The following STAM variants were observed in gnomAD, a reference collection of about 807,000 sequenced individuals.
The protein encoded by STAM is signal transducing adaptor molecule, also known as signal transducing adapter molecule 1.
In STAM, 16 loss-of-function variants were observed where a neutral mutation model predicts 63.4. That is an observed-to-expected ratio of 0.25 (90% CI 0.17 to 0.38). STAM has a LOEUF of 0.38. Among genes scored for constraint, STAM ranks in the 10% least tolerant of loss-of-function variants. STAM has a pLI of 1.00. For synonymous variants in STAM, 238 were observed against 223.9 expected (o/e 1.06, Z -0.56); for missense variants, 636 against 657.1 (o/e 0.97, Z 0.35).
chr10:17,689,268 A>G (rs1267277164), intron 5 of STAM, among the ~76,000 whole-genome samples: 3 of 152,192 alleles, frequency 2.0e-5, no homozygotes, highest in Non-Finnish European at 4.4e-5. Flanking sequence ...ACAGACTGTA[A>G]TGAGTGATGT....
Position 17,664,890 on chromosome 10 carries a change from G to C in STAM, c.125+4342G>C, listed in dbSNP as rs540433294. On this transcript the variant is annotated intron_variant, in intron 2 of 13. Coordinates refer to ENST00000377524, the MANE Select transcript of STAM (RefSeq NM_003473.4). ...AGATGGTGGAAGGACTTTAGGAGGA[G>C]CATTTCACTTTCAGTAATATTGTAT... Among the ~76,000 whole-genome samples, 16 of 152,188 alleles carry C rather than the reference G, an allele frequency of 1.1e-4. No homozygotes were observed. The South Asian group carries it at 3.3e-3, about 32-fold the overall frequency.
At chr10:17,663,333 C>A (rs1228445910) in intron 2 of STAM, among the ~76,000 whole-genome samples, 1 of 152,072 alleles carries the variant, frequency 6.6e-6, no homozygotes, top group Non-Finnish European at 1.5e-5. Flanking sequence ...GGTTTAGACA[C>A]ATGCTCATTT....
intron 4 of STAM, among the ~76,000 whole-genome samples, chr10:17,687,410 C>G (rs1445633650): frequency 6.6e-6 from 1 of 152,074 alleles, no homozygotes; most frequent in African/African-American, 2.4e-5. Flanking sequence ...CCCCACCCCC[C>G]TCTGGGAGGC....
At chr10:17,684,631 C>A in intron 2 of STAM, 44 bp from the exon 3 acceptor site, 1 of 1,522,662 alleles carries the variant, frequency 6.6e-7, no homozygotes, top group Non-Finnish European at 9.0e-7. Flanking sequence ...CAGGGGGAAG[C>A]TAGATGTATT....
At chr10:17,706,757 T>C (rs782815724) in intron 12 of STAM, among the ~76,000 whole-genome samples, 1 of 152,194 alleles carries the variant, frequency 6.6e-6, no homozygotes, top group Non-Finnish European at 1.5e-5. Context: ...GTACACTCAA[T>C]ATGTATAGCC....
At chr10:17,650,035 T>C (rs1833676433) in intron 1 of STAM, among the ~76,000 whole-genome samples, 1 of 152,250 alleles carries the variant, frequency 6.6e-6, no homozygotes, top group Non-Finnish European at 1.5e-5. Context: ...AATATTTGTG[T>C]TCCCAGTCAG....
At chr10:17,677,116 C>G (rs929761551) in intron 2 of STAM, among the ~76,000 whole-genome samples, 4 of 152,174 alleles carry the variant, frequency 2.6e-5, no homozygotes, top group Non-Finnish European at 5.9e-5. Context: ...CTTTGCAGCT[C>G]TGTCCTTTTA....
At chr10:17,685,023 T>A (rs917884171) in intron 4 of STAM, 96 bp downstream of exon 4, 21 of 966,468 alleles carry the variant, frequency 2.2e-5, no homozygotes, top group Non-Finnish European at 2.7e-5. Flanking sequence ...CTGTGCTTTT[T>A]AAGAAATCCT....
intron 12 of STAM, among the ~76,000 whole-genome samples, chr10:17,707,523 G>T (rs1484821426): frequency 6.6e-6 from 1 of 152,210 alleles, no homozygotes; most frequent in Non-Finnish European, 1.5e-5. Context: ...CAGAATGAGG[G>T]GCCAGCACCC....
intron 2 of STAM, among the ~76,000 whole-genome samples, chr10:17,678,763 C>T (rs916725662): frequency 6.6e-6 from 1 of 152,186 alleles, no homozygotes; most frequent in African/African-American, 2.4e-5. Context: ...AGAAACTCTA[C>T]ACCTTTGAAA....
intron 2 of STAM, among the ~76,000 whole-genome samples, chr10:17,670,267 A>T (rs1226743240): frequency 6.6e-6 from 1 of 152,180 alleles, no homozygotes; most frequent in Non-Finnish European, 1.5e-5. Flanking sequence ...AAAACATCGT[A>T]TATTTTATAG....
chr10:17,667,128 A>AT (rs34207861), intron 2 of STAM, among the ~76,000 whole-genome samples: 60,711 of 148,446 alleles, frequency 0.41, 12,661 homozygotes, highest in South Asian at 0.53. Flanking sequence ...GAGTTAAATA[A>AT]TTTTTTTTTT....
At chr10:17,648,926 G>A (rs1380410542) in intron 1 of STAM, among the ~76,000 whole-genome samples, 2 of 152,024 alleles carry the variant, frequency 1.3e-5, no homozygotes, top group African/African-American at 4.8e-5. Flanking sequence ...TCACTCTCTT[G>A]AATTCCAGGC....
intron 2 of STAM, among the ~76,000 whole-genome samples, chr10:17,661,870 G>C (rs1420453592): frequency 6.6e-6 from 1 of 150,596 alleles, no homozygotes; most frequent in African/African-American, 2.5e-5. Context: ...CTCCCACTAT[G>C]ACGTTCCCAA....
intron 6 of STAM, among the ~76,000 whole-genome samples, chr10:17,694,570 T>A (rs1193446245): frequency 6.6e-6 from 1 of 152,110 alleles, no homozygotes; most frequent in African/African-American, 2.4e-5. Flanking sequence ...GGAGGATTTG[T>A]TAGGTTGAGT....
At chr10:17,713,276 C>T (rs991550576) in intron 13 of STAM, among the ~76,000 whole-genome samples, 1 of 152,164 alleles carries the variant, frequency 6.6e-6, no homozygotes, top group Admixed American at 6.6e-5. Context: ...CAGCCGCTCC[C>T]CAGGGGACCT....
chr10:17,706,554 T>G (rs1213626719), intron 12 of STAM, among the ~76,000 whole-genome samples: 1 of 151,946 alleles, frequency 6.6e-6, no homozygotes, highest in Admixed American at 6.6e-5. Context: ...AATTTTTTTG[T>G]ATTTTTAGTA....
intron 1 of STAM, among the ~76,000 whole-genome samples, chr10:17,658,853 A>T (rs556667870): frequency 4.6e-5 from 7 of 152,244 alleles, no homozygotes; most frequent in African/African-American, 1.7e-4. Flanking sequence ...GACAACATAC[A>T]GTTGTGTGTT....
At chr10:17,710,186 G>C (rs534151478) in intron 13 of STAM, among the ~76,000 whole-genome samples, 13 of 152,176 alleles carry the variant, frequency 8.5e-5, no homozygotes, top group African/African-American at 3.1e-4. Flanking sequence ...GTTTGACTAT[G>C]TCACATGCTG....
Sources: allele counts gnomAD v4.1 joint callset (sites outside exome capture counted in the v4.1 genomes callset), GRCh38; gene constraint gnomAD v4.1.1; transcripts MANE v1.5; gene names NCBI Gene and HGNC (gene_info 2026-07-23, HGNC 2026-07-21).